MALT1: variants seen among roughly 807,000 people sequenced by gnomAD.
The protein encoded by MALT1 is mucosa-associated lymphoid tissue lymphoma translocation protein 1.
Under a neutral mutation model 85.5 loss-of-function variants are expected in MALT1, and 36 were observed. That is an observed-to-expected ratio of 0.42 (90% confidence interval 0.32 to 0.56). MALT1 has a LOEUF of 0.56. Among genes scored for constraint, MALT1 ranks in the 20% least tolerant of loss-of-function variants. The pLI is 0.10. For synonymous variants in MALT1, 359 were observed against 361.3 expected (o/e 0.99, Z 0.07); for missense variants, 716 against 981.6 (o/e 0.73, Z 3.62).
chr18:58,746,141 C>T (rs1478143581), intron 16 of MALT1, among the ~76,000 whole-genome samples: 1 of 152,128 alleles, frequency 6.6e-6, no homozygotes, highest in Non-Finnish European at 1.5e-5. Flanking sequence ...CCTCAGCTTC[C>T]CAAGTATCTG....
In MALT1 at chr18:58,723,107, A is replaced by C; in HGVS notation, c.1078A>C (p.Lys360Gln). ...NMNYREHPKLKAPLVDVYELT... is the reference protein window; with the variant it reads ...NMNYREHPKLQAPLVDVYELT... ...GAATTACCGGGAGCACCCCAAGCTC[A>C]AAGCTCCTTTGGTGGATGTGTACGA... Residue 360 changes from lysine (K) to glutamine (Q), a missense_variant, in exon 10 of 17, where the codon AAA (lysine) becomes CAA (glutamine). This residue lies in a region of MALT1 where 290 missense variants were observed against 380.5 expected (regional missense o/e 0.76). Transcript: ENST00000649217. 1 of 1,614,088 alleles carries C rather than the reference A, an allele frequency of 6.2e-7. No homozygotes were observed. Among genetic ancestry groups the C allele is most frequent in the African/African-American group, 1.3e-5 (1 of 75,034 alleles).
At position 58,750,137 on chromosome 18, in the gene MALT1, GT is replaced by G; in HGVS notation, c.*2297del. On this transcript the variant is annotated 3_prime_UTR_variant, in exon 17 of 17. Transcript: ENST00000649217. Reference sequence around the variant, plus strand: ...AAAAAGTAATAAATGAGTTCAACAGGTTGCAGGATACAAGATCAGTTTTATT... The same window carrying G: ...AAAAAGTAATAAATGAGTTCAACAGGTGCAGGATACAAGATCAGTTTTATT... 5.5e-6 allele frequency: 1 copy of G among 181,652 alleles called. No homozygotes were observed. Among genetic ancestry groups the G allele is most frequent in the Non-Finnish European group, 1.2e-5 (1 of 85,120 alleles). 11.3% of individuals were successfully genotyped at this position (181,652 alleles called of 1,614,324 possible).
chr18:58,709,863 A>G (rs2054807583), intron 5 of MALT1, 113 bp from the exon 6 acceptor site: 1 of 714,432 alleles, frequency 1.4e-6, no homozygotes, highest in Non-Finnish European at 2.4e-6. Flanking sequence ...ACAAATGTCT[A>G]AAGCCTTCTA....
intron 3 of MALT1, among the ~76,000 whole-genome samples, chr18:58,698,922 G>A (rs2054633119): frequency 6.6e-6 from 1 of 152,184 alleles, no homozygotes; most frequent in African/African-American, 2.4e-5. Context: ...GAGATTTATG[G>A]TACTTTTACT....
At chr18:58,736,974 T>C (rs1475441566) in intron 13 of MALT1, among the ~76,000 whole-genome samples, 2 of 152,346 alleles carry the variant, frequency 1.3e-5, no homozygotes, top group Admixed American at 1.3e-4. Flanking sequence ...GTATGAAATT[T>C]TTCACAAGTC....
At chr18:58,674,811 G>A (rs2054216861) in intron 1 of MALT1, among the ~76,000 whole-genome samples, 1 of 152,172 alleles carries the variant, frequency 6.6e-6, no homozygotes, top group Admixed American at 6.5e-5. Context: ...TCAGTCACTG[G>A]ATCTGCAGCC....
chr18:58,671,542 C>A lies in MALT1; in HGVS notation c.-102C>A. 1 of 714,676 alleles carries A rather than the reference C, an allele frequency of 1.4e-6. No individual in the cohort carries two copies. Among genetic ancestry groups the A allele is most frequent in the Non-Finnish European group, 1.9e-6 (1 of 523,526 alleles). The allele number at this position is 714,676 out of a possible 1,614,324, so 44.3% of individuals were successfully genotyped here. A position where few individuals can be genotyped will look rare whatever the true frequency, so the allele number is the denominator to read the frequency against. On this transcript the variant is annotated 5_prime_UTR_variant, in exon 1 of 17. Coordinates refer to ENST00000649217, the MANE Select transcript of MALT1 (RefSeq NM_006785.4). ...CGCGCTGCCAGATTTGTTCTTCCGC[C>A]CCTGCCTCCGCGGCTCGGAGGCGAG...
chr18:58,725,612 G>T (rs896206445), intron 10 of MALT1, among the ~76,000 whole-genome samples: 1 of 152,208 alleles, frequency 6.6e-6, no homozygotes, highest in East Asian at 1.9e-4. Flanking sequence ...GTGATGAGGT[G>T]TAAGGAAAAA....
intron 1 of MALT1, 116 bp downstream of exon 1, chr18:58,671,968 G>A: frequency 1.5e-6 from 1 of 652,270 alleles, no homozygotes; most frequent in Non-Finnish European, 2.1e-6. Flanking sequence ...GCGTGAGTGA[G>A]CGGAGGTGGG....
intron 10 of MALT1, among the ~76,000 whole-genome samples, chr18:58,731,757 T>C (rs902541588): frequency 2.0e-5 from 3 of 150,648 alleles, no homozygotes; most frequent in Non-Finnish European, 2.9e-5. Flanking sequence ...TCATTGTTGC[T>C]TGATAACATA....
At chr18:58,686,813 T>G (rs1229488724) in intron 2 of MALT1, among the ~76,000 whole-genome samples, 1 of 152,250 alleles carries the variant, frequency 6.6e-6, no homozygotes, top group Non-Finnish European at 1.5e-5. Context: ...TACCTTTACT[T>G]CACATTTTAT....
At chr18:58,744,697 A>C (rs1293944801) in intron 15 of MALT1, among the ~76,000 whole-genome samples, 1 of 152,154 alleles carries the variant, frequency 6.6e-6, no homozygotes, top group Non-Finnish European at 1.5e-5. Context: ...GAAATGTCTA[A>C]AGTTCACTCA....
chr18:58,708,375 G>C (rs182416855), intron 4 of MALT1, among the ~76,000 whole-genome samples: 277 of 152,348 alleles, frequency 1.8e-3, no homozygotes, highest in Admixed American at 8.1e-3. Flanking sequence ...GACTTTCCTA[G>C]TCTTAGCACT....
intron 1 of MALT1, 65 bp downstream of exon 1, chr18:58,671,917 G>T: frequency 8.9e-7 from 1 of 1,120,222 alleles, no homozygotes; most frequent in South Asian, 4.4e-5. Context: ...GTGGGGAGGT[G>T]GGGGCGCTGT....
intron 2 of MALT1, among the ~76,000 whole-genome samples, chr18:58,686,022 TTTGTTG>T (rs751651589): frequency 9.3e-5 from 14 of 151,014 alleles, no homozygotes; most frequent in African/African-American, 2.9e-4. Flanking sequence ...TTTTGTTTCT[TTTGTTG>T]TTGTTGTTGT....
intron 4 of MALT1, among the ~76,000 whole-genome samples, chr18:58,708,102 A>G (rs2054782426): frequency 6.6e-6 from 1 of 152,158 alleles, no homozygotes. Flanking sequence ...AAGCAAAGGC[A>G]CTGCATTCAC....
Position 58,709,469 on chromosome 18 carries a change from G to T in MALT1, c.741G>T (p.Gln247His), listed in dbSNP as rs577172783. Residue 247 changes from glutamine to histidine, a missense_variant, in exon 5 of 17, where the codon CAG (glutamine) becomes CAT (histidine). Around this residue, in one of 4 missense-constraint regions of MALT1, gnomAD observed 290 missense variants for 380.5 expected, o/e 0.76. Coordinates refer to ENST00000649217, the MANE Select transcript of MALT1 (RefSeq NM_006785.4). ...TGCCAGGCAGCACATTGGTTTTACA[G>T]TGTGTTGCTGTTGGAAGCCCTATTC... The part of the protein sequence containing the change: ...KLMPGSTLVL[Q>H]CVAVGSPIPH... The T allele has an allele frequency of 6.2e-7, 1 of 1,613,416 alleles. No homozygotes were observed. Among genetic ancestry groups the T allele is most frequent in the East Asian group, 2.2e-5 (1 of 44,834 alleles).
chr18:58,727,614 GTGTTTTTTTTTT>G (rs1375745536), intron 10 of MALT1, among the ~76,000 whole-genome samples: 4 of 110,488 alleles, frequency 3.6e-5, no homozygotes, highest in Non-Finnish European at 5.3e-5. Flanking sequence ...AAGGTTTTTT[GTGTTTTTTTTTT>G]TGTTTTTTTT....
chr18:58,733,817 C>A, intron 11 of MALT1: 1 of 1,025,586 alleles, frequency 9.8e-7, no homozygotes, highest in Non-Finnish European at 1.3e-6. Context: ...ACTCACACTA[C>A]AGGGGATTCA....
Sources: gnomAD v4.1 joint callset for allele counts (sites outside exome capture counted in the v4.1 genomes callset) on GRCh38, gnomAD v4.1.1 for gene constraint, gnomAD v4.1.1 regional missense constraint, MANE v1.5 for transcripts, NCBI Gene and HGNC (gene_info 2026-07-23, HGNC 2026-07-21) for gene names.